TMEM132D: variants seen among roughly 807,000 people sequenced by gnomAD.
The protein encoded by TMEM132D is transmembrane protein 132D.
A neutral mutation model predicts 62.3 loss-of-function variants in TMEM132D; 21 were observed. The ratio of observed to expected loss-of-function variants is 0.34; its 90% CI spans 0.24 to 0.49. The LOEUF is 0.49. TMEM132D is among the 20% of genes least tolerant of loss of function. The probability of loss-of-function intolerance (pLI) is 0.99; values close to 1 mark genes in which losing one functional copy is unlikely to be tolerated. For synonymous variants in TMEM132D, 621 were observed against 575.6 expected (o/e 1.08, Z -1.13); for missense variants, 1,346 against 1,402.8 (o/e 0.96, Z 0.65).
In TMEM132D at chr12:129,277,939, T is replaced by C. The variant is rs542307631; in HGVS notation, c.1299+59695A>G. On this transcript the variant is annotated intron_variant, in intron 4 of 8. Coordinates refer to ENST00000422113, the MANE Select transcript of TMEM132D (RefSeq NM_133448.3). The surrounding 1 kb of genome is among the most constrained non-coding windows in gnomAD (Gnocchi z 4.2). ...CAAATGTCCTAAATGACCACCAGTC[T>C]TCTGGTTGCCCACCTTTCTTTTGCA... 3.2e-4 allele frequency among the ~76,000 whole-genome samples: 48 copies of C among 152,276 alleles called. 1 individual carries two copies. Among genetic ancestry groups the C allele is most frequent in the African/African-American group, 1.1e-3 (45 of 41,580 alleles).
At chr12:129,782,815 A>C (rs1871157338) in intron 1 of TMEM132D, among the ~76,000 whole-genome samples, 1 of 152,256 alleles carries the variant, frequency 6.6e-6, no homozygotes, top group Admixed American at 6.5e-5. Context: ...ATTCCTGATA[A>C]AGCCAGGTAA....
intron 3 of TMEM132D, among the ~76,000 whole-genome samples, chr12:129,344,191 T>C (rs1358397747): frequency 1.3e-5 from 2 of 152,192 alleles, no homozygotes; most frequent in East Asian, 3.9e-4. Flanking sequence ...AATTCTTTCT[T>C]GCGTGAGATC....
At chr12:129,542,411 A>C (rs1181340768) in intron 2 of TMEM132D, among the ~76,000 whole-genome samples, 1 of 152,246 alleles carries the variant, frequency 6.6e-6, no homozygotes, top group African/African-American at 2.4e-5. Flanking sequence ...AAGCGGAACT[A>C]TGGTTAATAA....
intron 3 of TMEM132D, among the ~76,000 whole-genome samples, chr12:129,420,894 T>C (rs374576263): frequency 7.0e-4 from 106 of 152,244 alleles, no homozygotes; most frequent in African/African-American, 2.5e-3. Context: ...GTTTTTTATA[T>C]AATCTCTAAC....
intron 5 of TMEM132D, among the ~76,000 whole-genome samples, chr12:129,163,659 C>T (rs1427603778): frequency 2.0e-5 from 3 of 152,204 alleles, no homozygotes; most frequent in African/African-American, 7.2e-5. Context: ...TATTGGGGCC[C>T]AGCACCAACT....
chr12:129,412,947 T>G (rs1179321342), intron 3 of TMEM132D, among the ~76,000 whole-genome samples: 1 of 152,194 alleles, frequency 6.6e-6, no homozygotes, highest in Non-Finnish European at 1.5e-5. Flanking sequence ...ATTGAGGAAC[T>G]CATGTGCCCG....
At chr12:129,888,424 G>A (rs190527831) in intron 1 of TMEM132D, among the ~76,000 whole-genome samples, 63 of 152,234 alleles carry the variant, frequency 4.1e-4, no homozygotes, top group Non-Finnish European at 4.3e-4. Flanking sequence ...CTGTCTGGGC[G>A]CGATGGCTCA....
chr12:129,685,678 C>A (rs944094174), intron 2 of TMEM132D, among the ~76,000 whole-genome samples: 9 of 152,160 alleles, frequency 5.9e-5, no homozygotes, highest in African/African-American at 2.2e-4. Context: ...TCCCCCAGAC[C>A]CTAGAAGAAG....
chr12:129,550,133 G>A (rs1217013006), intron 2 of TMEM132D, among the ~76,000 whole-genome samples: 1 of 152,178 alleles, frequency 6.6e-6, no homozygotes, highest in African/African-American at 2.4e-5. Context: ...GATTAATAGA[G>A]TAGAACAGAG....
rs372764040 is a variant in TMEM132D, at chr12:129,700,611, G to A, written c.167C>T (p.Ala56Val). The change falls in exon 2 of 9, where the codon GCG becomes GTG. Residue 56 changes from alanine to valine, a missense_variant. Transcript: ENST00000422113. ...YLPVTYHINN[A>V]DVSFFLKEAN... is the part of the protein sequence containing the mutation. The stretch of plus-strand genomic sequence containing the variant: ...CTCCTTCAGGAAGAAGGAGACGTCC[G>A]CGTTGTTGATGTGGTAGGTCACGGG... 1.9e-6 allele frequency: 3 copies of A among 1,613,968 alleles called. No homozygotes were observed. The highest frequency in any genetic ancestry group is 1.1e-5 in the South Asian group (1 of 91,072).
At chr12:129,237,978 A>AG (rs1879830379) in intron 4 of TMEM132D, among the ~76,000 whole-genome samples, 1 of 152,170 alleles carries the variant, frequency 6.6e-6, no homozygotes, top group South Asian at 2.1e-4. Flanking sequence ...GGTGATTGCT[A>AG]GGCTCTCACT....
At chr12:129,501,638 G>A (rs1875144472) in intron 3 of TMEM132D, among the ~76,000 whole-genome samples, 1 of 151,826 alleles carries the variant, frequency 6.6e-6, no homozygotes, top group Non-Finnish European at 1.5e-5. Context: ...CTAAATAGCT[G>A]GGCCTATAGA....
chr12:129,786,551 G>C (rs1249646812), intron 1 of TMEM132D, among the ~76,000 whole-genome samples: 1 of 152,052 alleles, frequency 6.6e-6, no homozygotes, highest in African/African-American at 2.4e-5. Context: ...CCAGGGGCAT[G>C]AAATGCTCTT....
At chr12:129,210,988 G>C (rs192654949) in intron 4 of TMEM132D, 1 of 152,206 alleles carries the variant, frequency 6.6e-6, no homozygotes, top group East Asian at 1.9e-4. Context: ...TTAACTGGTG[G>C]GGGACAGAGA....
At chr12:129,109,961 C>G (rs1019902119) in intron 5 of TMEM132D, 3 of 152,434 alleles carry the variant, frequency 2.0e-5, no homozygotes, top group Admixed American at 1.3e-4. Context: ...TGGTCAGTGT[C>G]CGAGCATGGC....
At chr12:129,570,789 G>C (rs1877490793) in intron 2 of TMEM132D, among the ~76,000 whole-genome samples, 2 of 152,190 alleles carry the variant, frequency 1.3e-5, no homozygotes, top group African/African-American at 2.4e-5. Context: ...GTTACTGGTG[G>C]CTGTAGCATT....
At chr12:129,406,397 G>T (rs977531072) in intron 3 of TMEM132D, among the ~76,000 whole-genome samples, 1 of 152,156 alleles carries the variant, frequency 6.6e-6, no homozygotes, top group Non-Finnish European at 1.5e-5. Flanking sequence ...GAGGCGCGTG[G>T]ATCACGAGGT....
intron 4 of TMEM132D, among the ~76,000 whole-genome samples, chr12:129,293,920 G>A (rs1350672282): frequency 6.6e-6 from 1 of 152,174 alleles, no homozygotes; most frequent in African/African-American, 2.4e-5. Flanking sequence ...GGGGACTCCT[G>A]TTCTGGGGCT....
chr12:129,783,558 G>A (rs1334284189), intron 1 of TMEM132D, among the ~76,000 whole-genome samples: 1 of 152,138 alleles, frequency 6.6e-6, no homozygotes, highest in Non-Finnish European at 1.5e-5. Context: ...TCATTGTAGG[G>A]CCCTGATGTG....
Sources: gnomAD v4.1 joint callset for allele counts (sites outside exome capture counted in the v4.1 genomes callset) on GRCh38, gnomAD v4.1.1 for gene constraint, Gnocchi (gnomAD v3.1) non-coding constraint, MANE v1.5 for transcripts, NCBI Gene and HGNC (gene_info 2026-07-23, HGNC 2026-07-21) for gene names.